Variants in NFRKB observed in about 807,000 individuals in gnomAD.
The protein encoded by NFRKB is nuclear factor related to kappa-B-binding protein.
NFRKB carries 62 observed loss-of-function variants against 135.7 expected under a neutral mutation model. The ratio of observed to expected loss-of-function variants is 0.46; its 90% CI spans 0.37 to 0.56. The LOEUF (loss-of-function observed/expected upper bound fraction) is 0.56. Among genes scored for constraint, NFRKB ranks in the 20% least tolerant of loss-of-function variants. The pLI is 0.00. For synonymous variants in NFRKB, 678 were observed against 635.6 expected, an observed-to-expected ratio of 1.07 and a Z score of -1.00; for missense variants, 1,545 against 1,662.0, an observed-to-expected ratio of 0.93 and a Z score of 1.22.
intron 7 of NFRKB, 109 bp downstream of exon 7, chr11:129,884,636 T>C (rs1480085331): frequency 9.2e-6 from 12 of 1,302,180 alleles, no homozygotes; most frequent in Non-Finnish European, 1.3e-5. Flanking sequence ...CTAGGGAGTT[T>C]TGTTTTCCTG....
intron 25 of NFRKB, 45 bp from the exon 26 acceptor site, chr11:129,865,146 A>G (rs935364485): frequency 6.3e-7 from 1 of 1,585,020 alleles, no homozygotes; most frequent in South Asian, 1.1e-5. Flanking sequence ...ATCGACAGGT[A>G]TTCTCTGGCC....
Position 129,870,279 on chromosome 11 carries a change from G to A in NFRKB, c.2764-18C>T. On this transcript the variant is annotated intron_variant, in intron 23 of 26. Coordinates refer to ENST00000682444, the MANE Select transcript of NFRKB (RefSeq NM_001143835.2). ...ATTGCCACCTGAATGGGGAGAAGCA[G>A]CACTGATGAGGGATTCACAATAGTA... The A allele has an allele frequency of 6.2e-7, 1 of 1,605,280 alleles. No homozygotes were observed. Among genetic ancestry groups the A allele is most frequent in the Non-Finnish European group, 8.5e-7 (1 of 1,173,510 alleles).
intron 13 of NFRKB, 152 bp downstream of exon 13, chr11:129,881,291 G>T: frequency 1.5e-6 from 1 of 672,414 alleles, no homozygotes; most frequent in Non-Finnish European, 2.6e-6. Context: ...GTACAAAAAG[G>T]GTGTTGAAGG....
intron 6 of NFRKB, among the ~76,000 whole-genome samples, chr11:129,885,165 G>A (rs1002998631): frequency 2.0e-5 from 3 of 152,182 alleles, no homozygotes; most frequent in Non-Finnish European, 2.9e-5. Flanking sequence ...GAACCCCGTC[G>A]TGCAGGGAGT....
chr11:129,882,494 A>G lies in NFRKB; in HGVS notation c.1039T>C (p.Ser347Pro), dbSNP rs1565413251. 6.2e-7 allele frequency: 1 copy of G among 1,613,942 alleles called. No homozygotes were observed. Among genetic ancestry groups the G allele is most frequent in the Non-Finnish European group, 8.5e-7 (1 of 1,179,874 alleles). The change falls in exon 10 of 27, where the codon TCA becomes CCA. Residue 347 changes from serine (S) to proline (P), a missense_variant. Transcript: ENST00000682444. Reference sequence around the variant, plus strand: ...ATTGCCAGCGGAGAGGGGGCCTGTGAGAGAGGTGCGACCCCTTCAGTACTG... The same window carrying G: ...ATTGCCAGCGGAGAGGGGGCCTGTGGGAGAGGTGCGACCCCTTCAGTACTG... ...LSSTEGVAPL[S>P]QAPSPLAIPA...
At chr11:129,870,345 G>T in intron 23 of NFRKB, 84 bp from the exon 24 acceptor site, 1 of 1,437,440 alleles carries the variant, frequency 7.0e-7, no homozygotes, top group Non-Finnish European at 9.4e-7. Context: ...TCCGTTTCAT[G>T]GGTAGATGTT....
At chr11:129,885,732 CAAAGA>C (rs1392817754) in intron 5 of NFRKB, 123 bp from the exon 6 acceptor site, 21 of 855,064 alleles carry the variant, frequency 2.5e-5, no homozygotes, top group Non-Finnish European at 3.6e-5. Flanking sequence ...CTCCAGATCA[CAAAGA>C]AAGATGCACA....
Position 129,872,952 on chromosome 11 carries a change from T to C in NFRKB, c.2695A>G (p.Thr899Ala), listed in dbSNP as rs1211036645. 1 of 1,613,950 alleles carries C rather than the reference T, an allele frequency of 6.2e-7. No individual in the cohort carries two copies. The highest frequency in any genetic ancestry group is 1.1e-5 in the South Asian group (1 of 91,060). ...GCCGTGGAGGCACTGGGAGCAGAGG[T>C]CCCAGGAGAACTCGTGGCTGGCTTA... is the stretch of plus-strand genomic sequence containing the variant. ...VSKPATSSPG[T>A]SAPSASTAAV... The change falls in exon 23 of 27, where the codon ACC (threonine) becomes GCC (alanine). Residue 899 changes from threonine to alanine, a missense_variant. Around this residue, in one of 3 missense-constraint regions of NFRKB, gnomAD observed 753 missense variants for 804.3 expected, o/e 0.94. Transcript: ENST00000682444.
At chr11:129,881,152 T>C (rs1185493989) in intron 13 of NFRKB, among the ~76,000 whole-genome samples, 1 of 152,218 alleles carries the variant, frequency 6.6e-6, no homozygotes, top group Non-Finnish European at 1.5e-5. Flanking sequence ...TTAATATAAA[T>C]GTCGATGCTC....
rs1031633033 is a variant in NFRKB, at chr11:129,870,589, G to T, written c.2764-328C>A. On this transcript the variant is annotated intron_variant, in intron 23 of 26. Transcript: ENST00000682444. ...AATAACCTAGAAAAGGACTTTTTGA[G>T]ACGGGGTCTTGCTATGTCACTAGGC... Among the ~76,000 whole-genome samples, 10 of 152,124 alleles carry T rather than the reference G, an allele frequency of 6.6e-5. No homozygotes were observed. In the East Asian group the frequency reaches 1.7e-3, roughly 26 times the overall value.
chr11:129,875,404 G>C lies in NFRKB; in HGVS notation c.1807C>G (p.Leu603Val). 6.2e-7 allele frequency: 1 copy of C among 1,613,416 alleles called. No homozygotes were observed. Among genetic ancestry groups the C allele is most frequent in the Non-Finnish European group, 8.5e-7 (1 of 1,179,868 alleles). ...GEGTRAEICE[L>V]LKDSQFLAPD... ...GCAAGAAACTGGGAGTCCTTAAGCA[G>C]TTCACAGATCTCTGCCCGTGTGCCT... is the stretch of plus-strand genomic sequence containing the variant. The change falls in exon 18 of 27, where the codon CTG (leucine) becomes GTG (valine). Residue 603 changes from leucine to valine, a missense_variant. Physicochemically the swap from Leu to Val is conservative, Grantham distance 32. This residue lies in a region of NFRKB where 114 missense variants were observed against 211.0 expected (regional missense o/e 0.54). Coordinates refer to ENST00000682444, the MANE Select transcript of NFRKB (RefSeq NM_001143835.2).
intron 13 of NFRKB, among the ~76,000 whole-genome samples, chr11:129,880,066 G>A (rs965764777): frequency 9.5e-4 from 145 of 152,184 alleles, no homozygotes; most frequent in African/African-American, 3.3e-3. Flanking sequence ...GTACGCCTGT[G>A]GTCCCAGCTA....
intron 13 of NFRKB, among the ~76,000 whole-genome samples, chr11:129,880,904 G>A (rs183065311): frequency 1.3e-5 from 2 of 152,176 alleles, no homozygotes; most frequent in African/African-American, 2.4e-5. Context: ...TGAATTTCAA[G>A]AAGAAACCAA....
rs1220450784 is a variant in NFRKB at position 129,864,008 on chromosome 11, G to A, written c.*717C>T. 2 of 152,326 alleles carry A rather than the reference G, an allele frequency of 1.3e-5. No homozygotes were observed. Among genetic ancestry groups the A allele is most frequent in the African/African-American group, 4.8e-5 (2 of 41,432 alleles). The allele number at this position is 152,326 out of a possible 1,614,324, so 9.4% of individuals were successfully genotyped here. On this transcript the variant is annotated 3_prime_UTR_variant, in exon 27 of 27. Coordinates refer to ENST00000682444, the MANE Select transcript of NFRKB (RefSeq NM_001143835.2). ...AAAGTGGGCAGGTAAAGCTGGGGGG[G>A]GCGGCCACAATCAAGATCCCAACAC...
At chr11:129,893,261 C>A (rs1010651759) in intron 2 of NFRKB, 5 of 514,210 alleles carry the variant, frequency 9.7e-6, no homozygotes, top group Non-Finnish European at 1.7e-5. Context: ...GCAATTAATT[C>A]TTTGTTGTTG....
chr11:129,874,260 C>G lies in NFRKB; in HGVS notation c.2132G>C (p.Ser711Thr), dbSNP rs550644489. 2.4e-5 allele frequency: 36 copies of G among 1,517,400 alleles called. No homozygotes were observed. In the South Asian group the frequency reaches 4.6e-4, roughly 19 times the overall value. 94.0% of individuals were successfully genotyped at this position (1,517,400 alleles called of 1,614,324 possible). A position where few individuals can be genotyped will look rare whatever the true frequency, so the allele number is the denominator to read the frequency against. ...GPSEQSQMSLSDSSMPPTPVT... is the reference protein window; with the variant it reads ...GPSEQSQMSLTDSSMPPTPVT... Reference sequence around the variant, plus strand: ...TGGGGTGGGTGGCATACTGGAGTCACTGAGGCTCATCTGGCTCTGCTCAGA... The same window carrying G: ...TGGGGTGGGTGGCATACTGGAGTCAGTGAGGCTCATCTGGCTCTGCTCAGA... Residue 711 changes from serine (S) to threonine (T), a missense_variant, in exon 21 of 27, where the codon AGT becomes ACT. Ser to Thr is a moderately conservative substitution (Grantham distance 58). Transcript: ENST00000682444. The surrounding 1 kb of genome is among the most constrained non-coding windows in gnomAD (Gnocchi z 4.5).
intron 1 of NFRKB, among the ~76,000 whole-genome samples, chr11:129,894,853 G>A (rs1206309780): frequency 1.3e-5 from 2 of 152,234 alleles, no homozygotes; most frequent in Admixed American, 1.3e-4. Context: ...AACTGGCATA[G>A]AACAGACTAT....
At chr11:129,885,399 A>G (rs768543581) in intron 6 of NFRKB, 36 bp downstream of exon 6, 1 of 1,576,708 alleles carries the variant, frequency 6.3e-7, no homozygotes, top group Non-Finnish European at 8.7e-7. Context: ...TATCCATCCA[A>G]TACCCCAGCT....
Position 129,869,952 on chromosome 11 carries a change from T to G in NFRKB, c.3073A>C (p.Lys1025Gln). Residue 1025 changes from lysine (K) to glutamine (Q), a missense_variant, in exon 24 of 27, where the codon AAG becomes CAG. Transcript: ENST00000682444. ...NPVHAADSPA[K>Q]ASSASAPSST... Reference sequence around the variant, plus strand: ...GAAGGGGCACTGGCTGAACTGGCCTTGGCAGGGCTATCAGCTGCATGTACT... The same window carrying G: ...GAAGGGGCACTGGCTGAACTGGCCTGGGCAGGGCTATCAGCTGCATGTACT... 1 of 1,614,264 alleles carries G rather than the reference T, an allele frequency of 6.2e-7. No homozygotes were observed. Among genetic ancestry groups the G allele is most frequent in the Non-Finnish European group, 8.5e-7 (1 of 1,180,042 alleles).
Sources: gnomAD v4.1 joint callset for allele counts (sites outside exome capture counted in the v4.1 genomes callset) on GRCh38, gnomAD v4.1.1 for gene constraint, gnomAD v4.1.1 regional missense constraint, Gnocchi (gnomAD v3.1) non-coding constraint, MANE v1.5 for transcripts, NCBI Gene and HGNC (gene_info 2026-07-23, HGNC 2026-07-21) for gene names.